CARM1: variants seen among roughly 807,000 people sequenced by gnomAD.
The protein encoded by CARM1 is histone-arginine methyltransferase CARM1.
Under a neutral mutation model 72.7 loss-of-function variants are expected in CARM1, and 14 were observed. The observed-to-expected ratio is 0.19, with a 90% CI of 0.13 to 0.30. The LOEUF (loss-of-function observed/expected upper bound fraction) is 0.30, where lower values mean the gene tolerates loss of function less well. Ranked by LOEUF, CARM1 falls within the 10% of genes least tolerant of loss-of-function variation. CARM1 has a pLI of 1.00. For synonymous variants in CARM1, 333 were observed against 345.5 expected (o/e 0.96, Z 0.40); for missense variants, 432 against 833.7 (o/e 0.52, Z 5.93).
Position 10,912,780 on chromosome 19 carries a change from T to C in CARM1, c.669+486T>C, listed in dbSNP as rs369837232. Among the ~76,000 whole-genome samples the C allele has an allele frequency of 6.6e-6, 1 of 152,160 alleles. No homozygotes were observed. Among genetic ancestry groups the C allele is most frequent in the South Asian group, 2.1e-4 (1 of 4,836 alleles). On this transcript the variant is annotated intron_variant, in intron 5 of 15. Coordinates refer to ENST00000327064, the MANE Select transcript of CARM1 (RefSeq NM_199141.2). The surrounding 1 kb of genome is among the most constrained non-coding windows in gnomAD (Gnocchi z 4.5). ...GGTCGTGGAGGGGCCATCTTTGTTC[T>C]GTCTTGCCGCCGCAGAGCACCCCTG... is the stretch of plus-strand genomic sequence containing the variant.
intron 1 of CARM1, among the ~76,000 whole-genome samples, chr19:10,882,575 T>C (rs926715234): frequency 7.7e-6 from 1 of 129,046 alleles, no homozygotes; most frequent in Non-Finnish European, 1.6e-5. Context: ...AGGGTCTCAC[T>C]CTGTCGCCCA....
At chr19:10,876,350 T>C (rs990255611) in intron 1 of CARM1, among the ~76,000 whole-genome samples, 1 of 152,248 alleles carries the variant, frequency 6.6e-6, no homozygotes, top group Non-Finnish European at 1.5e-5. Flanking sequence ...TCCATGTTAC[T>C]GACAGCAGTG....
chr19:10,882,352 C>T (rs577787286), intron 1 of CARM1, among the ~76,000 whole-genome samples: 12 of 152,108 alleles, frequency 7.9e-5, no homozygotes, highest in African/African-American at 2.4e-4. Flanking sequence ...GCTTTCCTGG[C>T]GGGGCGATCA....
rs746738526 is a variant in CARM1, at chr19:10,921,371, G to A, written c.1616-4G>A. 175 of 1,610,316 alleles carry A rather than the reference G, an allele frequency of 1.1e-4. No homozygotes were observed. The highest frequency in any genetic ancestry group is 1.7e-4 in the Middle Eastern group (1 of 6,058). On this transcript the variant is annotated splice_region_variant and splice_polypyrimidine_tract_variant and intron_variant, in intron 14 of 15. Coordinates refer to ENST00000327064, the MANE Select transcript of CARM1 (RefSeq NM_199141.2). ...TTCCTTCTTTCCTCCCTCTCGCTGCGCAGCCAACACGGGGATTGTCAATCA... is the reference window on the plus strand; with the variant it reads ...TTCCTTCTTTCCTCCCTCTCGCTGCACAGCCAACACGGGGATTGTCAATCA...
At chr19:10,913,772 C>A in intron 5 of CARM1, 105 bp from the exon 6 acceptor site, 1 of 1,196,050 alleles carries the variant, frequency 8.4e-7, no homozygotes, top group Non-Finnish European at 1.2e-6. Flanking sequence ...CAGAGGGGCA[C>A]CCAATGCCCA....
chr19:10,871,982 G>A lies in CARM1; in HGVS notation c.220+60G>A, dbSNP rs2073822320. ...GGGCTGCTCACGAGGCCGGCCCGGG[G>A]CGGGGGCCGGCGGGGAGGGGCCCTG... On this transcript the variant is annotated intron_variant, in intron 1 of 15. Transcript: ENST00000327064. This position sits in a 1 kb window ranked among gnomAD's most constrained non-coding sequence, Gnocchi z 5.6. 8.7e-7 allele frequency: 1 copy of A among 1,148,634 alleles called. No individual in the cohort carries two copies. Among genetic ancestry groups the A allele is most frequent in the African/African-American group, 1.6e-5 (1 of 61,344 alleles). The allele number at this position is 1,148,634 out of a possible 1,614,324, so 71.2% of individuals were successfully genotyped here.
At position 10,921,054 on chromosome 19, in the gene CARM1, G is replaced by A. The variant is rs767332129; in HGVS notation, c.1542G>A (p.Met514Ile). Residue 514 changes from methionine (M) to isoleucine (I), a missense_variant, in exon 14 of 16, where the codon ATG becomes ATA. Met to Ile is a conservative substitution (Grantham distance 10). Coordinates refer to ENST00000327064, the MANE Select transcript of CARM1 (RefSeq NM_199141.2). ...CGTCTCCCTCTCTGGACACAGGGAT[G>A]CCGACCGCCTATGACTTGAGCAGTG... ...NLSSGMAVAG[M>I]PTAYDLSSVI... is the part of the protein sequence containing the mutation. 1 of 1,614,136 alleles carries A rather than the reference G, an allele frequency of 6.2e-7. No individual in the cohort carries two copies. The highest frequency in any genetic ancestry group is 1.1e-5 in the South Asian group (1 of 91,088).
intron 1 of CARM1, among the ~76,000 whole-genome samples, chr19:10,898,749 G>A (rs2074042279): frequency 6.6e-6 from 1 of 152,232 alleles, no homozygotes; most frequent in African/African-American, 2.4e-5. Context: ...CTGGGGTGCT[G>A]TTCGCAAGCC....
At position 10,909,005 on chromosome 19, in the gene CARM1, T is replaced by C; in HGVS notation, c.454-98T>C. 3 of 844,254 alleles carry C rather than the reference T, an allele frequency of 3.6e-6. 1 individual carries two copies. The South Asian group carries it at 4.4e-5, about 12-fold the overall frequency. The allele number at this position is 844,254 out of a possible 1,614,324, so 52.3% of individuals were successfully genotyped here. On this transcript the variant is annotated intron_variant, in intron 3 of 15. Coordinates refer to ENST00000327064, the MANE Select transcript of CARM1 (RefSeq NM_199141.2). ...TGCACGACCTCCCGAGGGAGGTTTG[T>C]GCCCTAGATGGCCCCTTGCTCTATC...
At chr19:10,877,225 C>T (rs2073871268) in intron 1 of CARM1, among the ~76,000 whole-genome samples, 2 of 151,958 alleles carry the variant, frequency 1.3e-5, no homozygotes, top group East Asian at 3.9e-4. Context: ...AGTTAGTAAC[C>T]CCAGAAAGGC....
At chr19:10,874,341 AT>A (rs916450737) in intron 1 of CARM1, among the ~76,000 whole-genome samples, 10 of 148,438 alleles carry the variant, frequency 6.7e-5, no homozygotes, top group East Asian at 2.0e-4. Flanking sequence ...TTCTGAAATA[AT>A]TTTTTTTTAC....
chr19:10,921,113 A>G lies in CARM1; in HGVS notation c.1601A>G (p.Asn534Ser). The stretch of plus-strand genomic sequence containing the variant: ...AGTGGCTCCAGCGTGGGCCACAACA[A>G]CCTGATTCCTTTAGGTGAGTGTCCC... ...IASGSSVGHN[N>S]LIPLANTGIV... The change falls in exon 14 of 16, where the codon AAC becomes AGC. Residue 534 changes from asparagine to serine, a missense_variant. By Grantham distance (46) the Asn-to-Ser change is conservative. This residue lies in a region of CARM1 where 142 missense variants were observed against 188.7 expected (regional missense o/e 0.75). Transcript: ENST00000327064. 1 of 1,613,934 alleles carries G rather than the reference A, an allele frequency of 6.2e-7. No individual in the cohort carries two copies. Among genetic ancestry groups the G allele is most frequent in the Non-Finnish European group, 8.5e-7 (1 of 1,179,868 alleles).
intron 1 of CARM1, among the ~76,000 whole-genome samples, chr19:10,876,441 C>G (rs1025041689): frequency 3.3e-5 from 5 of 152,212 alleles, no homozygotes; most frequent in African/African-American, 1.2e-4. Flanking sequence ...TGTCTTGGCT[C>G]ACCGGCCATG....
intron 1 of CARM1, among the ~76,000 whole-genome samples, chr19:10,899,744 G>A (rs2074050627): frequency 1.4e-5 from 2 of 148,066 alleles, no homozygotes; most frequent in South Asian, 2.1e-4. Flanking sequence ...TTTTTGAGAC[G>A]GAGTCTCACT....
intron 3 of CARM1, chr19:10,908,807 C>T (rs749120701): frequency 1.7e-5 from 5 of 298,262 alleles, no homozygotes; most frequent in South Asian, 3.4e-5. Flanking sequence ...AGGTGGCCCC[C>T]GATGCCAGAA....
At chr19:10,881,758 G>A (rs1321844527) in intron 1 of CARM1, among the ~76,000 whole-genome samples, 1 of 152,088 alleles carries the variant, frequency 6.6e-6, no homozygotes, top group Non-Finnish European at 1.5e-5. Flanking sequence ...CAGCGAAAGT[G>A]GACTCGCCGT....
chr19:10,915,509 C>G lies in CARM1; in HGVS notation c.848-898C>G, dbSNP rs2074188056. 6.6e-6 allele frequency among the ~76,000 whole-genome samples: 1 copy of G among 152,102 alleles called. No homozygotes were observed. The highest frequency in any genetic ancestry group is 2.4e-5 in the African/African-American group (1 of 41,432). On this transcript the variant is annotated intron_variant, in intron 6 of 15. Transcript: ENST00000327064. This position sits in a 1 kb window ranked among gnomAD's most constrained non-coding sequence, Gnocchi z 4.6. ...TCACATGTCTTCTGGTCAGCAGGAGCCAGAGGTTCCTTCCAGGCTGGGTCA... is the reference window on the plus strand; with the variant it reads ...TCACATGTCTTCTGGTCAGCAGGAGGCAGAGGTTCCTTCCAGGCTGGGTCA...
rs2073820085 is a variant in CARM1, at chr19:10,871,770, C to T, written c.68C>T (p.Ala23Val). 3 of 1,142,258 alleles carry T rather than the reference C, an allele frequency of 2.6e-6. No homozygotes were observed. Among genetic ancestry groups the T allele is most frequent in the Admixed American group, 4.9e-5 (1 of 20,428 alleles). 70.8% of individuals were successfully genotyped at this position (1,142,258 alleles called of 1,614,324 possible). Reference sequence around the variant, plus strand: ...GCGGGGTCGGCGGTCCCGGGCGGCGCGGGGCCCTGCGCTACCGTGTCGGTG... The same window carrying T: ...GCGGGGTCGGCGGTCCCGGGCGGCGTGGGGCCCTGCGCTACCGTGTCGGTG... Reference protein sequence around the residue: ...GGAGSAVPGGAGPCATVSVFP... With the variant: ...GGAGSAVPGGVGPCATVSVFP... The change falls in exon 1 of 16, where the codon GCG becomes GTG. Residue 23 changes from alanine (A) to valine (V), a missense_variant. Ala to Val is a moderately conservative substitution (Grantham distance 64, BLOSUM62 0). This residue lies in a region of CARM1 where 138 missense variants were observed against 192.3 expected (regional missense o/e 0.72). Transcript: ENST00000327064. This position sits in a 1 kb window ranked among gnomAD's most constrained non-coding sequence, Gnocchi z 5.6.
rs1478819206 is a variant in CARM1, at chr19:10,871,563, A to ACGGCGGCTG, written c.-132_-124dup. 7.9e-6 allele frequency: 1 copy of ACGGCGGCTG among 126,460 alleles called. No individual in the cohort carries two copies. The highest frequency in any genetic ancestry group is 1.7e-5 in the Non-Finnish European group (1 of 60,544). The allele number at this position is 126,460 out of a possible 1,614,324, so 7.8% of individuals were successfully genotyped here. A position where few individuals can be genotyped will look rare whatever the true frequency, so the allele number is the denominator to read the frequency against. On this transcript the variant is annotated 5_prime_UTR_variant, in exon 1 of 16. Transcript: ENST00000327064. This position sits in a 1 kb window ranked among gnomAD's most constrained non-coding sequence, Gnocchi z 5.6. ...GCTGCCCGGCTCGGCCTCGGCCTGC[A>ACGGCGGCTG]CGGCGGCTGCGGCGGCGGTAGCGGC... is the stretch of plus-strand genomic sequence containing the variant.
Sources: gnomAD v4.1 joint callset for allele counts (sites outside exome capture counted in the v4.1 genomes callset) on GRCh38, gnomAD v4.1.1 for gene constraint, gnomAD v4.1.1 regional missense constraint, Gnocchi (gnomAD v3.1) non-coding constraint, MANE v1.5 for transcripts, NCBI Gene and HGNC (gene_info 2026-07-23, HGNC 2026-07-21) for gene names.